The following JMJD1C variants were observed in gnomAD, a reference collection of about 807,000 sequenced individuals.
The protein encoded by JMJD1C is jumonji domain containing 1C, also known as jumonji domain-containing protein 1C.
Under a neutral mutation model 245.3 loss-of-function variants are expected in JMJD1C, and 31 were observed. The observed-to-expected ratio is 0.13, with a 90% confidence interval of 0.09 to 0.17. JMJD1C has a LOEUF of 0.17. Among genes scored for constraint, JMJD1C ranks in the 10% least tolerant of loss-of-function variants. The probability of loss-of-function intolerance (pLI) is 1.00; values close to 1 mark genes in which losing one functional copy is unlikely to be tolerated. For synonymous variants in JMJD1C, 1,057 were observed against 1,017.4 expected, an observed-to-expected ratio of 1.04 and a Z score of -0.74; for missense variants, 2,691 against 3,000.2, an observed-to-expected ratio of 0.90 and a Z score of 2.41.
chr10:63,363,805 C>A (rs1013862922), intron 2 of JMJD1C, among the ~76,000 whole-genome samples: 1 of 151,454 alleles, frequency 6.6e-6, no homozygotes, highest in African/African-American at 2.4e-5. Context: ...TGGCCCCAGC[C>A]TCTCCCGGGT....
intron 1 of JMJD1C, among the ~76,000 whole-genome samples, chr10:63,385,082 G>A (rs1400290102): frequency 6.6e-6 from 1 of 152,138 alleles, no homozygotes; most frequent in Non-Finnish European, 1.5e-5. Flanking sequence ...TCAAGGAATA[G>A]GGAGGTCCGG....
At chr10:63,278,331 C>T (rs1018063897) in intron 2 of JMJD1C, among the ~76,000 whole-genome samples, 1 of 136,470 alleles carries the variant, frequency 7.3e-6, no homozygotes, top group Non-Finnish European at 1.6e-5. Context: ...ACTAAAAATA[C>T]AACAATTAAA....
intron 1 of JMJD1C, among the ~76,000 whole-genome samples, chr10:63,489,195 T>G (rs1336639992): frequency 1.3e-5 from 2 of 150,798 alleles, no homozygotes; most frequent in African/African-American, 4.9e-5. Context: ...AGGTCAGGAG[T>G]TTGAGACCTG....
At chr10:63,212,050 T>C (rs893351772) in intron 8 of JMJD1C, among the ~76,000 whole-genome samples, 3 of 152,156 alleles carry the variant, frequency 2.0e-5, no homozygotes, top group African/African-American at 7.2e-5. Context: ...AAGAATATTG[T>C]AGTAAGCTAA....
intron 1 of JMJD1C, among the ~76,000 whole-genome samples, chr10:63,444,816 T>C (rs2719812): frequency 0.98 from 149,209 of 152,218 alleles, 73,186 homozygotes; most frequent in Middle Eastern, 1. Context: ...ACCTACTATC[T>C]ACTAAGCAAT....
chr10:63,296,310 A>G (rs1564748738), intron 2 of JMJD1C, among the ~76,000 whole-genome samples: 2 of 151,872 alleles, frequency 1.3e-5, no homozygotes, highest in African/African-American at 4.8e-5. Flanking sequence ...ATGCCTGGCT[A>G]TCTTGTTGAT....
chr10:63,249,743 C>T (rs774796496), intron 3 of JMJD1C, among the ~76,000 whole-genome samples: 1 of 151,870 alleles, frequency 6.6e-6, no homozygotes, highest in Admixed American at 6.6e-5. Context: ...GCCTGTAGTC[C>T]CAACTACTCG....
rs186289036 is a variant in JMJD1C, at chr10:63,339,225, T to C, written c.333+41093A>G. ...GATTCACTGAAGAGACTTGCTGCAC[T>C]AAGGCAAATACAGACATCTTAGGAA... On this transcript the variant is annotated intron_variant, in intron 2 of 25. Transcript: ENST00000399262. 1.2e-3 allele frequency among the ~76,000 whole-genome samples: 188 copies of C among 152,326 alleles called. 1 individual carries two copies. Among genetic ancestry groups the C allele is most frequent in the African/African-American group, 4.2e-3 (175 of 41,576 alleles).
chr10:63,243,847 T>C (rs772474391), intron 3 of JMJD1C, among the ~76,000 whole-genome samples: 10 of 152,034 alleles, frequency 6.6e-5, no homozygotes, highest in Non-Finnish European at 1.3e-4. Flanking sequence ...AATAAGAGAA[T>C]TGGACTTTCT....
intron 1 of JMJD1C, among the ~76,000 whole-genome samples, chr10:63,463,661 A>T (rs185162151): frequency 1.2e-3 from 185 of 152,294 alleles, no homozygotes; most frequent in Non-Finnish European, 2.2e-3. Flanking sequence ...AAGACAGATT[A>T]AAAAAACTCA....
chr10:63,434,640 G>T lies in JMJD1C; in HGVS notation c.168+30855C>A, dbSNP rs7905773. 3.9e-3 allele frequency among the ~76,000 whole-genome samples: 598 copies of T among 152,250 alleles called. 1 individual carries two copies. The highest frequency in any genetic ancestry group is 0.011 in the African/African-American group (451 of 41,522). ...CGCAGTAAACCCTAGCACTTTGGGA[G>T]GCCAAGGCGGGAAGGATCACTTGAG... On this transcript the variant is annotated intron_variant, in intron 1 of 25. Coordinates refer to ENST00000399262, the MANE Select transcript of JMJD1C (RefSeq NM_032776.3).
chr10:63,185,002 G>A (rs1286235244), intron 20 of JMJD1C, among the ~76,000 whole-genome samples: 3 of 152,008 alleles, frequency 2.0e-5, no homozygotes, highest in Non-Finnish European at 2.9e-5. Context: ...CTTGTTGCCC[G>A]CCTCAGCCTC....
At chr10:63,399,762 T>C (rs1448566943) in intron 1 of JMJD1C, among the ~76,000 whole-genome samples, 3 of 151,586 alleles carry the variant, frequency 2.0e-5, no homozygotes, top group Non-Finnish European at 2.9e-5. Context: ...CATTTTGCTT[T>C]TCCTTTTAGG....
chr10:63,217,149 G>A, intron 5 of JMJD1C, 58 bp downstream of exon 5: 2 of 1,444,628 alleles, frequency 1.4e-6, no homozygotes, highest in Non-Finnish European at 1.9e-6. Context: ...GTATTTTGGG[G>A]GGCATGGATG....
intron 2 of JMJD1C, among the ~76,000 whole-genome samples, chr10:63,339,216 T>C (rs1484165098): frequency 2.0e-5 from 3 of 152,192 alleles, no homozygotes; most frequent in Non-Finnish European, 2.9e-5. Flanking sequence ...CTGAAGAGAC[T>C]TGCTGCACTA....
intron 8 of JMJD1C, among the ~76,000 whole-genome samples, 158 bp downstream of exon 8, chr10:63,213,315 C>T (rs1477268847): frequency 3.3e-5 from 5 of 152,106 alleles, no homozygotes; most frequent in African/African-American, 1.2e-4. Context: ...CGTTTCAGCT[C>T]CCACTCTTGA....
At position 63,296,013 on chromosome 10, in the gene JMJD1C, A is replaced by ATATATT. The variant is rs71025149; in HGVS notation, c.334-31250_334-31249insAATATA. The stretch of plus-strand genomic sequence containing the variant: ...TGTGTGTGTGTGTGTGTATATATAT[A>ATATATT]TTTTTTTTTTTTTCTTAGATGGAGT... On this transcript the variant is annotated intron_variant, in intron 2 of 25. Coordinates refer to ENST00000399262, the MANE Select transcript of JMJD1C (RefSeq NM_032776.3). 1.0e-3 allele frequency among the ~76,000 whole-genome samples: 88 copies of ATATATT among 84,272 alleles called. 5 individuals carry two copies. The highest frequency in any genetic ancestry group is 3.5e-3 in the African/African-American group (85 of 24,038). The allele number at this position is 84,272 out of a possible 152,430, so 55.3% of individuals were successfully genotyped here.
chr10:63,446,093 T>C (rs1401186006), intron 1 of JMJD1C, among the ~76,000 whole-genome samples: 1 of 151,976 alleles, frequency 6.6e-6, no homozygotes, highest in African/African-American at 2.4e-5. Context: ...CAGGCTGGTC[T>C]TGAACTCCTA....
rs541455155 is a variant in JMJD1C at position 63,346,853 on chromosome 10, A to T, written c.333+33465T>A. 3.3e-5 allele frequency among the ~76,000 whole-genome samples: 5 copies of T among 152,268 alleles called. No homozygotes were observed. In the East Asian group the frequency reaches 9.6e-4, roughly 29 times the overall value. On this transcript the variant is annotated intron_variant, in intron 2 of 25. Transcript: ENST00000399262. ...GTCATACCATAATTTAGCGCAACTA[A>T]AATATCATTTTAAAAGGCAGTTTTA...
Sources: gnomAD v4.1 joint callset for allele counts (sites outside exome capture counted in the v4.1 genomes callset) on GRCh38, gnomAD v4.1.1 for gene constraint, MANE v1.5 for transcripts, NCBI Gene and HGNC (gene_info 2026-07-23, HGNC 2026-07-21) for gene names.